The following SGCZ variants were observed in gnomAD, a reference collection of about 807,000 sequenced individuals.
SGCZ encodes sarcoglycan zeta.
In SGCZ, 40 loss-of-function variants were observed where a neutral mutation model predicts 41.3. That is an observed-to-expected ratio of 0.97 (90% CI 0.75 to 1.26). The LOEUF (loss-of-function observed/expected upper bound fraction) is 1.26, where lower values mean the gene tolerates loss of function less well. Ranked by LOEUF, SGCZ falls within the 50% of genes most tolerant of loss-of-function variation. The probability of loss-of-function intolerance (pLI) is 0.00; values close to 1 mark genes in which losing one functional copy is unlikely to be tolerated. For synonymous variants in SGCZ, 206 were observed against 137.5 expected (o/e 1.50, Z -3.49); for missense variants, 552 against 369.8 (o/e 1.49, Z -4.04).
intron 1 of SGCZ, among the ~76,000 whole-genome samples, chr8:15,009,119 C>G (rs747668039): frequency 7.9e-5 from 12 of 152,112 alleles, no homozygotes; most frequent in Non-Finnish European, 1.6e-4. Flanking sequence ...TAAAGAAATA[C>G]CTAAGACTGG....
chr8:14,974,776 A>C (rs1163284259), intron 1 of SGCZ, among the ~76,000 whole-genome samples: 1 of 152,104 alleles, frequency 6.6e-6, no homozygotes, highest in African/African-American at 2.4e-5. Context: ...ATGATACTAC[A>C]ATGAACAAAG....
chr8:14,266,917 A>T (rs1799889815), intron 3 of SGCZ, among the ~76,000 whole-genome samples: 1 of 152,118 alleles, frequency 6.6e-6, no homozygotes, highest in African/African-American at 2.4e-5. Flanking sequence ...ACAAAATATG[A>T]AGAGCTAGAA....
intron 1 of SGCZ, among the ~76,000 whole-genome samples, chr8:14,591,533 C>A (rs986591416): frequency 3.3e-5 from 5 of 151,950 alleles, no homozygotes; most frequent in African/African-American, 1.2e-4. Context: ...AAAATATACA[C>A]AAAATAGTTT....
intron 2 of SGCZ, among the ~76,000 whole-genome samples, chr8:14,350,233 A>T (rs1035166918): frequency 6.7e-6 from 1 of 150,320 alleles, no homozygotes; most frequent in Non-Finnish European, 1.5e-5. Context: ...CAATAATCTT[A>T]AGGAGCAAAA....
At chr8:15,192,806 G>T (rs1800584015) in intron 1 of SGCZ, among the ~76,000 whole-genome samples, 1 of 152,056 alleles carries the variant, frequency 6.6e-6, no homozygotes, top group Non-Finnish European at 1.5e-5. Flanking sequence ...CTGTTGAGTT[G>T]TGCATTCTTG....
intron 2 of SGCZ, among the ~76,000 whole-genome samples, chr8:14,441,318 C>G (rs761563593): frequency 1.3e-5 from 2 of 152,100 alleles, no homozygotes; most frequent in Non-Finnish European, 1.5e-5. Flanking sequence ...GGCTCACGCC[C>G]GTAATCCCAG....
At chr8:15,107,042 T>C (rs1183365898) in intron 1 of SGCZ, among the ~76,000 whole-genome samples, 1 of 152,224 alleles carries the variant, frequency 6.6e-6, no homozygotes, top group African/African-American at 2.4e-5. Flanking sequence ...TCTGCATTCC[T>C]TACATGAGCC....
intron 2 of SGCZ, among the ~76,000 whole-genome samples, chr8:14,354,630 A>T (rs947773128): frequency 1.3e-5 from 2 of 151,760 alleles, no homozygotes; most frequent in East Asian, 3.9e-4. Flanking sequence ...TCGTGTCTAC[A>T]TAATATAAAA....
At chr8:14,271,533 T>C (rs1482955964) in intron 3 of SGCZ, among the ~76,000 whole-genome samples, 4 of 152,248 alleles carry the variant, frequency 2.6e-5, no homozygotes, top group African/African-American at 7.2e-5. Context: ...AGGTGGGTTC[T>C]GGAATTACAA....
chr8:14,670,156 T>G lies in SGCZ; in HGVS notation c.40-115230A>C, dbSNP rs534073303. 2.2e-3 allele frequency among the ~76,000 whole-genome samples: 334 copies of G among 152,332 alleles called. 2 individuals carry two copies. Among genetic ancestry groups the G allele is most frequent in the African/African-American group, 7.9e-3 (328 of 41,586 alleles). On this transcript the variant is annotated intron_variant, in intron 1 of 7. Coordinates refer to ENST00000382080, the MANE Select transcript of SGCZ (RefSeq NM_139167.4). ...AGTGTGTTCCTGTATCTTTAAGATTTGTTCCAGCCTGCATTCCAGGTTTTA... is the reference window on the plus strand; with the variant it reads ...AGTGTGTTCCTGTATCTTTAAGATTGGTTCCAGCCTGCATTCCAGGTTTTA...
intron 1 of SGCZ, among the ~76,000 whole-genome samples, chr8:15,096,076 C>T (rs1191748167): frequency 6.6e-6 from 1 of 151,858 alleles, no homozygotes; most frequent in Admixed American, 6.6e-5. Flanking sequence ...TTTATTTTTA[C>T]TTATTTATTT....
At chr8:14,220,308 C>A (rs1806147847) in intron 4 of SGCZ, among the ~76,000 whole-genome samples, 1 of 152,020 alleles carries the variant, frequency 6.6e-6, no homozygotes, top group African/African-American at 2.4e-5. Flanking sequence ...TGTGGAGTAT[C>A]AGAGACATAA....
At chr8:14,425,709 C>T (rs7841248) in intron 2 of SGCZ, among the ~76,000 whole-genome samples, 52,025 of 151,722 alleles carry the variant, frequency 0.34, 9,753 homozygotes, top group African/African-American at 0.5. Flanking sequence ...TTTAAACTTA[C>T]TTATACAATT....
chr8:15,043,183 C>A (rs1036420565), intron 1 of SGCZ, among the ~76,000 whole-genome samples: 1 of 152,118 alleles, frequency 6.6e-6, no homozygotes, highest in Non-Finnish European at 1.5e-5. Flanking sequence ...GATTTCATTT[C>A]TTTAATCAGC....
intron 2 of SGCZ, among the ~76,000 whole-genome samples, chr8:14,492,518 A>C (rs1206113926): frequency 6.6e-6 from 1 of 152,212 alleles, no homozygotes; most frequent in Non-Finnish European, 1.5e-5. Context: ...AACTCTAAAT[A>C]AGGCCCAATT....
At chr8:14,864,828 G>A (rs1006555041) in intron 1 of SGCZ, among the ~76,000 whole-genome samples, 1 of 151,966 alleles carries the variant, frequency 6.6e-6, no homozygotes, top group Admixed American at 6.6e-5. Flanking sequence ...ATCCTCATCA[G>A]TGTTTGTTAT....
chr8:14,411,711 T>C (rs1490513514), intron 2 of SGCZ, among the ~76,000 whole-genome samples: 1 of 152,110 alleles, frequency 6.6e-6, no homozygotes, highest in Non-Finnish European at 1.5e-5. Context: ...TAAATACTAT[T>C]ATAATATTAG....
At chr8:14,330,714 A>T (rs1802287368) in intron 2 of SGCZ, among the ~76,000 whole-genome samples, 1 of 152,064 alleles carries the variant, frequency 6.6e-6, no homozygotes, top group African/African-American at 2.4e-5. Flanking sequence ...AGTTACCTGA[A>T]ATTAGAGGTT....
chr8:14,290,124 G>T (rs754531576), intron 3 of SGCZ, among the ~76,000 whole-genome samples: 2 of 152,012 alleles, frequency 1.3e-5, no homozygotes, highest in Non-Finnish European at 2.9e-5. Context: ...TTTGGGTGGT[G>T]ACACAGAGCC....
Sources: gnomAD v4.1 joint callset for allele counts (sites outside exome capture counted in the v4.1 genomes callset) on GRCh38, gnomAD v4.1.1 for gene constraint, MANE v1.5 for transcripts, NCBI Gene and HGNC (gene_info 2026-07-23, HGNC 2026-07-21) for gene names.